The following CDH18 variants were observed in gnomAD, a reference collection of about 807,000 sequenced individuals.
CDH18 encodes cadherin-18.
In CDH18, 31 loss-of-function variants were observed where a neutral mutation model predicts 67.9. The ratio of observed to expected loss-of-function variants is 0.46; its 90% confidence interval spans 0.34 to 0.62. CDH18 has a LOEUF of 0.62. Among genes scored for constraint, CDH18 ranks in the 20% least tolerant of loss-of-function variants. The pLI is 0.01. For synonymous variants in CDH18, 362 were observed against 347.2 expected (o/e 1.04, Z -0.48); for missense variants, 890 against 975.5 (o/e 0.91, Z 1.17).
intron 3 of CDH18, among the ~76,000 whole-genome samples, chr5:19,765,388 C>CT (rs200561766): frequency 0.013 from 821 of 61,268 alleles, 2 homozygotes; most frequent in South Asian, 0.07. Flanking sequence ...AGTCCTGTTT[C>CT]TTTTTTTATT....
chr5:20,214,158 A>G (rs911559936), intron 2 of CDH18, among the ~76,000 whole-genome samples: 1 of 152,072 alleles, frequency 6.6e-6, no homozygotes, highest in Non-Finnish European at 1.5e-5. Flanking sequence ...CCACAAGGGG[A>G]ACTACAAAAC....
At chr5:20,269,507 C>T (rs76646881) in intron 1 of CDH18, among the ~76,000 whole-genome samples, 4,413 of 151,914 alleles carry the variant, frequency 0.029, 215 homozygotes, top group African/African-American at 0.1. Context: ...AAAGAAAATA[C>T]GCTATATATA....
chr5:19,658,326 G>A (rs1396477643), intron 5 of CDH18, among the ~76,000 whole-genome samples: 1 of 152,038 alleles, frequency 6.6e-6, no homozygotes, highest in Admixed American at 6.6e-5. Context: ...TTGTTAAAAT[G>A]ATGACTTACT....
chr5:19,575,225 T>G (rs999515839), intron 7 of CDH18, among the ~76,000 whole-genome samples: 1 of 152,130 alleles, frequency 6.6e-6, no homozygotes, highest in South Asian at 2.1e-4. Flanking sequence ...GTAGAAAAAT[T>G]TATTGGTTAT....
At chr5:20,298,925 C>T (rs1217649391) in intron 1 of CDH18, among the ~76,000 whole-genome samples, 1 of 152,056 alleles carries the variant, frequency 6.6e-6, no homozygotes, top group Non-Finnish European at 1.5e-5. Flanking sequence ...CGCACAAAGA[C>T]ACCTAGACAG....
intron 1 of CDH18, among the ~76,000 whole-genome samples, chr5:20,403,325 G>A (rs183205795): frequency 6.6e-6 from 1 of 151,962 alleles, no homozygotes; most frequent in Admixed American, 6.6e-5. Context: ...GTGCAGGTTT[G>A]TTACTTATGT....
intron 2 of CDH18, among the ~76,000 whole-genome samples, chr5:19,961,251 C>T (rs564817223): frequency 1.3e-5 from 2 of 151,644 alleles, no homozygotes; most frequent in East Asian, 1.9e-4. Context: ...TACAGGCGCA[C>T]ACCACAACAC....
At chr5:19,483,595 G>A (rs745960912) in intron 11 of CDH18, 43 bp from the exon 12 acceptor site, 33 of 1,530,414 alleles carry the variant, frequency 2.2e-5, no homozygotes, top group Middle Eastern at 1.9e-4. Context: ...TAGTCAAGCC[G>A]CCATTCAAGA....
chr5:20,071,081 G>C (rs1719622424), intron 2 of CDH18, among the ~76,000 whole-genome samples: 1 of 152,114 alleles, frequency 6.6e-6, no homozygotes, highest in Admixed American at 6.5e-5. Context: ...ACTGAGATTT[G>C]AAATTAAGGT....
At chr5:20,449,398 G>A (rs1750255268) in intron 1 of CDH18, among the ~76,000 whole-genome samples, 1 of 151,978 alleles carries the variant, frequency 6.6e-6, no homozygotes, top group African/African-American at 2.4e-5. Context: ...TTATGAATTT[G>A]AGAATATAAG....
intron 1 of CDH18, among the ~76,000 whole-genome samples, chr5:20,295,713 C>T (rs1221896784): frequency 2.7e-5 from 4 of 148,840 alleles, no homozygotes; most frequent in Non-Finnish European, 4.4e-5. Flanking sequence ...GGCGACAGGT[C>T]GAGACTCTGT....
chr5:20,500,123 T>A (rs528058740), intron 1 of CDH18, among the ~76,000 whole-genome samples: 24 of 152,304 alleles, frequency 1.6e-4, no homozygotes, highest in African/African-American at 5.0e-4. Flanking sequence ...AAATAATTAC[T>A]GTGACTTTCT....
At chr5:20,417,940 G>A (rs371138818) in intron 1 of CDH18, among the ~76,000 whole-genome samples, 22 of 152,168 alleles carry the variant, frequency 1.4e-4, no homozygotes, top group African/African-American at 3.6e-4. Context: ...CACTTTTCAC[G>A]TATGAAAATT....
At chr5:20,166,439 C>CAA (rs796889478) in intron 2 of CDH18, among the ~76,000 whole-genome samples, 4 of 74,698 alleles carry the variant, frequency 5.4e-5, no homozygotes, top group African/African-American at 1.6e-4. Context: ...GACTCTGTCT[C>CAA]AAAAAAAAAA....
At chr5:20,372,571 C>G (rs1743089419) in intron 1 of CDH18, among the ~76,000 whole-genome samples, 1 of 152,030 alleles carries the variant, frequency 6.6e-6, no homozygotes, top group Admixed American at 6.6e-5. Context: ...TACTGGAAAA[C>G]AGCAAGAATT....
intron 2 of CDH18, among the ~76,000 whole-genome samples, chr5:20,079,463 TGGATACTTG>T (rs1295994462): frequency 6.6e-6 from 1 of 152,192 alleles, no homozygotes; most frequent in African/African-American, 2.4e-5. Flanking sequence ...TACATATTGA[TGGATACTTG>T]GGTTGTTTTC....
At chr5:19,711,329 T>C (rs1011896302) in intron 5 of CDH18, among the ~76,000 whole-genome samples, 2 of 151,968 alleles carry the variant, frequency 1.3e-5, no homozygotes, top group African/African-American at 4.8e-5. Flanking sequence ...AGAAAATACT[T>C]GCAAACTATG....
rs969166252 is a variant in CDH18, at chr5:20,131,349, A to G, written c.-518+124095T>C. 2.6e-5 allele frequency among the ~76,000 whole-genome samples: 4 copies of G among 152,100 alleles called. No individual in the cohort carries two copies. The South Asian group carries it at 6.2e-4, about 24-fold the overall frequency. On this transcript the variant is annotated intron_variant, in intron 2 of 14. Transcript: ENST00000507958. ...ATAATTATCTGTAGCTTCACCTTTC[A>G]TTGCTAATATTTGGATTTTATCTTC...
chr5:19,842,790 C>T (rs946141817), intron 2 of CDH18, among the ~76,000 whole-genome samples: 1 of 151,986 alleles, frequency 6.6e-6, no homozygotes, highest in South Asian at 2.1e-4. Flanking sequence ...CGGTTTTGAC[C>T]CAAACACTGA....
Sources: allele counts gnomAD v4.1 joint callset (sites outside exome capture counted in the v4.1 genomes callset), GRCh38; gene constraint gnomAD v4.1.1; transcripts MANE v1.5; gene names NCBI Gene and HGNC (gene_info 2026-07-23, HGNC 2026-07-21).